MEF2C: variants seen among roughly 807,000 people sequenced by gnomAD.
The protein encoded by MEF2C is myocyte-specific enhancer factor 2C.
MEF2C carries 6 observed loss-of-function variants against 50.5 expected under a neutral mutation model. The observed-to-expected ratio is 0.12, with a 90% CI of 0.07 to 0.23. MEF2C has a LOEUF of 0.23. MEF2C is among the 10% of genes least tolerant of loss of function. The pLI, the probability that MEF2C is intolerant of heterozygous loss-of-function variation, is 1.00. For missense variants in MEF2C, 276 were observed against 605.0 expected (o/e 0.46, Z 5.70); for synonymous variants, 183 against 228.0 (o/e 0.80, Z 1.78).
intron 1 of MEF2C, among the ~76,000 whole-genome samples, chr5:88,855,136 C>A (rs1229386136): frequency 6.6e-6 from 1 of 152,178 alleles, no homozygotes; most frequent in Non-Finnish European, 1.5e-5. Flanking sequence ...AGCTTTGGAA[C>A]TTTTCCTCAG....
At chr5:88,890,010 C>T (rs748580655) in intron 1 of MEF2C, among the ~76,000 whole-genome samples, 1 of 152,190 alleles carries the variant, frequency 6.6e-6, no homozygotes, top group Non-Finnish European at 1.5e-5. Flanking sequence ...CAGGTCTAGC[C>T]GCCGCCCCTG....
chr5:88,750,627 T>C (rs556155999), intron 5 of MEF2C, among the ~76,000 whole-genome samples: 1 of 152,214 alleles, frequency 6.6e-6, no homozygotes, highest in East Asian at 1.9e-4. Context: ...TGCATTCTAG[T>C]ATGATCTGAA....
intron 1 of MEF2C, chr5:88,888,205 G>A (rs890165417): frequency 6.6e-6 from 1 of 152,208 alleles, no homozygotes; most frequent in Non-Finnish European, 1.5e-5. Flanking sequence ...ACTGAGCACA[G>A]ACAAATGCTC....
At chr5:88,774,177 A>AAC (rs1491444820) in intron 3 of MEF2C, among the ~76,000 whole-genome samples, 1 of 151,988 alleles carries the variant, frequency 6.6e-6, no homozygotes, top group African/African-American at 2.4e-5. Context: ...AGAAGTTGTT[A>AAC]GAGTTTCAGG....
intron 3 of MEF2C, among the ~76,000 whole-genome samples, chr5:88,774,285 T>C (rs2152804854): frequency 6.6e-6 from 1 of 152,014 alleles, no homozygotes; most frequent in East Asian, 1.9e-4. Flanking sequence ...CTCACAGCAG[T>C]AAACTTAAAA....
At chr5:88,865,791 C>G (rs62380391) in intron 1 of MEF2C, among the ~76,000 whole-genome samples, 1 of 152,228 alleles carries the variant, frequency 6.6e-6, no homozygotes, top group African/African-American at 2.4e-5. Flanking sequence ...CAAAACTTCC[C>G]CGCCAGTGGG....
At chr5:88,765,523 T>C (rs1375138246) in intron 3 of MEF2C, among the ~76,000 whole-genome samples, 1 of 152,240 alleles carries the variant, frequency 6.6e-6, no homozygotes, top group Non-Finnish European at 1.5e-5. Context: ...CAAGTCTGTC[T>C]TTATCACAGT....
chr5:88,861,899 C>T (rs1359490002), intron 1 of MEF2C, among the ~76,000 whole-genome samples: 2 of 152,134 alleles, frequency 1.3e-5, no homozygotes, highest in Non-Finnish European at 2.9e-5. Flanking sequence ...AGATCAAATT[C>T]ACTACATTTT....
intron 2 of MEF2C, among the ~76,000 whole-genome samples, chr5:88,807,718 A>G (rs1354559987): frequency 1.3e-5 from 2 of 152,198 alleles, no homozygotes; most frequent in African/African-American, 4.8e-5. Flanking sequence ...TAACCAAAAA[A>G]GAAGAACTAG....
intron 6 of MEF2C, among the ~76,000 whole-genome samples, chr5:88,744,954 G>A (rs1768686397): frequency 2.0e-5 from 3 of 152,318 alleles, no homozygotes; most frequent in South Asian, 4.1e-4. Context: ...AGGGTACTCA[G>A]CCATTTAATC....
At chr5:88,879,559 T>C (rs924325621) in intron 1 of MEF2C, among the ~76,000 whole-genome samples, 13 of 152,028 alleles carry the variant, frequency 8.6e-5, no homozygotes, top group Admixed American at 2.0e-4. Flanking sequence ...TGAGTGTATG[T>C]TTTATTTCTG....
At chr5:88,805,747 C>G (rs947261187) in intron 2 of MEF2C, among the ~76,000 whole-genome samples, 3 of 151,396 alleles carry the variant, frequency 2.0e-5, no homozygotes, top group South Asian at 2.1e-4. Flanking sequence ...ACATTTCACT[C>G]TTCCCAATTT....
At chr5:88,734,426 C>G in intron 6 of MEF2C, 1 of 985,160 alleles carries the variant, frequency 1.0e-6, no homozygotes, top group Non-Finnish European at 1.2e-6. Context: ...CGGTAGATGC[C>G]GATACTGGTT....
At chr5:88,723,490 C>T (rs979331049) in intron 10 of MEF2C, among the ~76,000 whole-genome samples, 7 of 152,048 alleles carry the variant, frequency 4.6e-5, no homozygotes, top group African/African-American at 1.7e-4. Flanking sequence ...AAATGCTGCA[C>T]AATAACTGTA....
intron 2 of MEF2C, among the ~76,000 whole-genome samples, chr5:88,807,114 G>A (rs554231533): frequency 6.6e-4 from 100 of 152,254 alleles, no homozygotes; most frequent in Middle Eastern, 3.4e-3. Context: ...TTTATCATAT[G>A]ACATTGAAGG....
intron 3 of MEF2C, among the ~76,000 whole-genome samples, chr5:88,774,234 C>T (rs1238174552): frequency 2.0e-5 from 3 of 152,200 alleles, no homozygotes; most frequent in Admixed American, 2.0e-4. Flanking sequence ...CCAACAACTA[C>T]ATCATGCATT....
chr5:88,733,038 A>C, intron 6 of MEF2C: 2 of 975,438 alleles, frequency 2.1e-6, no homozygotes, highest in Non-Finnish European at 2.4e-6. Flanking sequence ...TGGTAATCCA[A>C]TACATACTCA....
chr5:88,803,343 GA>G (rs1799127231), intron 3 of MEF2C, among the ~76,000 whole-genome samples: 1 of 152,086 alleles, frequency 6.6e-6, no homozygotes, highest in African/African-American at 2.4e-5. Flanking sequence ...CAATACTTTT[GA>G]AAAACTTTCA....
intron 2 of MEF2C, among the ~76,000 whole-genome samples, chr5:88,812,136 G>A (rs1362210785): frequency 2.6e-5 from 4 of 152,078 alleles, no homozygotes; most frequent in African/African-American, 9.7e-5. Flanking sequence ...GGTCTCCTAG[G>A]ACCTGTCAGC....
Sources: gnomAD v4.1 joint callset for allele counts (sites outside exome capture counted in the v4.1 genomes callset) on GRCh38, gnomAD v4.1.1 for gene constraint, MANE v1.5 for transcripts, NCBI Gene and HGNC (gene_info 2026-07-23, HGNC 2026-07-21) for gene names.